THSD7A: variants seen among roughly 807,000 people sequenced by gnomAD.
THSD7A encodes the protein thrombospondin type 1 domain containing 7A.
In THSD7A, 96 loss-of-function variants were observed where a neutral mutation model predicts 231.3. That is an observed-to-expected ratio of 0.41 (90% CI 0.35 to 0.49). THSD7A has a LOEUF of 0.49. THSD7A is among the 20% of genes least tolerant of loss of function. The pLI, the probability that THSD7A is intolerant of heterozygous loss-of-function variation, is 0.05. For missense variants in THSD7A, 2,290 were observed against 2,070.2 expected, an observed-to-expected ratio of 1.11 and a Z score of -2.06; for synonymous variants, 940 against 743.3, an observed-to-expected ratio of 1.26 and a Z score of -4.30.
chr7:11,666,721 T>G (rs563285299), intron 1 of THSD7A, among the ~76,000 whole-genome samples: 52 of 151,050 alleles, frequency 3.4e-4, no homozygotes, highest in African/African-American at 1.2e-3. Flanking sequence ...TAGTATAAAT[T>G]TTATTTAAAA....
At chr7:11,521,169 T>C (rs1194107837) in intron 6 of THSD7A, among the ~76,000 whole-genome samples, 5 of 152,156 alleles carry the variant, frequency 3.3e-5, no homozygotes, top group Admixed American at 3.3e-4. Flanking sequence ...CACAGACATA[T>C]ATATATGAAT....
intron 6 of THSD7A, among the ~76,000 whole-genome samples, chr7:11,529,449 T>G (rs1788611523): frequency 6.6e-6 from 1 of 152,142 alleles, no homozygotes; most frequent in South Asian, 2.1e-4. Context: ...AAATCTCATC[T>G]TGAATTGTAA....
At chr7:11,550,126 C>G (rs1351961254) in intron 4 of THSD7A, among the ~76,000 whole-genome samples, 3 of 152,012 alleles carry the variant, frequency 2.0e-5, no homozygotes, top group Admixed American at 2.0e-4. Context: ...CCTGATAAGA[C>G]ACTTCAGCAA....
Position 11,414,121 on chromosome 7 carries a change from A to G in THSD7A, c.3538-1321T>C, listed in dbSNP as rs557462989. The G allele has an allele frequency of 3.9e-5, 6 of 152,340 alleles. No homozygotes were observed. In the South Asian group the frequency reaches 6.2e-4, roughly 16 times the overall value. 9.4% of individuals were successfully genotyped at this position (152,340 alleles called of 1,614,324 possible). A position where few individuals can be genotyped will look rare whatever the true frequency, so the allele number is the denominator to read the frequency against. On this transcript the variant is annotated intron_variant, in intron 17 of 27. Transcript: ENST00000423059. ...TTGTGCAGCAGGCAGGAAGAACCCC[A>G]TGGGTGGTTACAGCCTGACACTGCC... is the stretch of plus-strand genomic sequence containing the variant.
chr7:11,571,934 T>G (rs1220635298), intron 4 of THSD7A, among the ~76,000 whole-genome samples: 1 of 152,170 alleles, frequency 6.6e-6, no homozygotes. Context: ...GATCTTTAAG[T>G]TGATGTTTTT....
chr7:11,410,876 C>A (rs1306579972), intron 19 of THSD7A, among the ~76,000 whole-genome samples: 1 of 152,038 alleles, frequency 6.6e-6, no homozygotes. Context: ...AGGCACTACA[C>A]AAAATTCACA....
At chr7:11,773,433 G>C (rs1419075338) in intron 1 of THSD7A, among the ~76,000 whole-genome samples, 3 of 152,136 alleles carry the variant, frequency 2.0e-5, no homozygotes, top group Non-Finnish European at 4.4e-5. Context: ...GGGAGGCTGA[G>C]GCAGGAGAAT....
chr7:11,579,262 C>A (rs1791052759), intron 4 of THSD7A, among the ~76,000 whole-genome samples: 1 of 152,162 alleles, frequency 6.6e-6, no homozygotes, highest in Admixed American at 6.5e-5. Context: ...TCTGTTAACA[C>A]TGGAGAGAGT....
chr7:11,647,012 G>A (rs1045018614), intron 1 of THSD7A, among the ~76,000 whole-genome samples: 3 of 151,982 alleles, frequency 2.0e-5, no homozygotes, highest in South Asian at 4.1e-4. Flanking sequence ...TATGAAATGC[G>A]TCTCAGAAAT....
chr7:11,448,575 T>A (rs948176590), intron 11 of THSD7A, among the ~76,000 whole-genome samples: 10 of 152,110 alleles, frequency 6.6e-5, no homozygotes, highest in Admixed American at 6.6e-4. Flanking sequence ...GTTTTTGACC[T>A]TAAATTACAG....
At chr7:11,585,271 T>C (rs1014929552) in intron 4 of THSD7A, among the ~76,000 whole-genome samples, 1 of 152,312 alleles carries the variant, frequency 6.6e-6, no homozygotes, top group African/African-American at 2.4e-5. Context: ...CATCTCACTT[T>C]CCATTTTGTA....
intron 1 of THSD7A, among the ~76,000 whole-genome samples, chr7:11,681,681 A>C (rs535612908): frequency 5.3e-5 from 8 of 152,196 alleles, no homozygotes; most frequent in Non-Finnish European, 1.2e-4. Flanking sequence ...CAGTTTAGGA[A>C]ACATCGTTCA....
intron 1 of THSD7A, among the ~76,000 whole-genome samples, chr7:11,690,175 C>T (rs188826416): frequency 2.6e-4 from 40 of 151,820 alleles, no homozygotes; most frequent in Non-Finnish European, 4.6e-4. Flanking sequence ...TTTTCAGGAT[C>T]CAAAAAGTAA....
intron 5 of THSD7A, 42 bp from the exon 6 acceptor site, chr7:11,541,673 G>A: frequency 1.3e-6 from 2 of 1,558,840 alleles, no homozygotes; most frequent in East Asian, 2.3e-5. Flanking sequence ...TACTATCAAA[G>A]GTTTAGTATT....
intron 2 of THSD7A, among the ~76,000 whole-genome samples, chr7:11,633,637 T>A (rs948616613): frequency 2.0e-5 from 3 of 152,190 alleles, no homozygotes; most frequent in African/African-American, 7.2e-5. Context: ...TTAGCCAAAT[T>A]TCTGTATCAA....
At chr7:11,689,467 C>T (rs1780164359) in intron 1 of THSD7A, among the ~76,000 whole-genome samples, 1 of 151,800 alleles carries the variant, frequency 6.6e-6, no homozygotes, top group Non-Finnish European at 1.5e-5. Flanking sequence ...TTTTGAGAAG[C>T]TGTTTGAAAG....
intron 13 of THSD7A, 106 bp from the exon 14 acceptor site, chr7:11,429,231 A>G: frequency 9.0e-7 from 1 of 1,114,162 alleles, no homozygotes; most frequent in Non-Finnish European, 1.2e-6. Flanking sequence ...ACTTGACAGC[A>G]GCATGCAAAT....
At chr7:11,761,317 T>G (rs1313569593) in intron 1 of THSD7A, among the ~76,000 whole-genome samples, 1 of 152,112 alleles carries the variant, frequency 6.6e-6, no homozygotes, top group African/African-American at 2.4e-5. Context: ...TAACTGAAGG[T>G]TGAAATACAT....
At chr7:11,820,737 C>A in intron 1 of THSD7A, 1 of 1,184,680 alleles carries the variant, frequency 8.4e-7, no homozygotes, top group Non-Finnish European at 1.3e-6. Flanking sequence ...TCTGTCTCTT[C>A]AGTGTACTCT....
Sources: gnomAD v4.1 joint callset for allele counts (sites outside exome capture counted in the v4.1 genomes callset) on GRCh38, gnomAD v4.1.1 for gene constraint, MANE v1.5 for transcripts, NCBI Gene and HGNC (gene_info 2026-07-23, HGNC 2026-07-21) for gene names.